The following LRIG1 variants were observed in gnomAD, a reference collection of about 807,000 sequenced individuals.
The protein encoded by LRIG1 is leucine-rich repeats and immunoglobulin-like domains protein 1.
A neutral mutation model predicts 99.2 loss-of-function variants in LRIG1; 48 were observed. The ratio of observed to expected loss-of-function variants is 0.48; its 90% CI spans 0.38 to 0.62. The LOEUF (loss-of-function observed/expected upper bound fraction) is 0.62, where lower values mean the gene tolerates loss of function less well. Ranked by LOEUF, LRIG1 falls within the 20% of genes least tolerant of loss-of-function variation. The pLI, the probability that LRIG1 is intolerant of heterozygous loss-of-function variation, is 0.00. For synonymous variants in LRIG1, 772 were observed against 596.1 expected (o/e 1.29, Z -4.30); for missense variants, 1,646 against 1,434.4 (o/e 1.15, Z -2.38).
chr3:66,390,545 A>C (rs7611067), intron 12 of LRIG1, among the ~76,000 whole-genome samples: 32,696 of 152,136 alleles, frequency 0.21, 4,347 homozygotes, highest in East Asian at 0.7. Context: ...TACTTCTCAC[A>C]TTAGTCTATA....
intron 1 of LRIG1, among the ~76,000 whole-genome samples, chr3:66,496,960 A>C (rs913804800): frequency 3.3e-5 from 5 of 152,254 alleles, no homozygotes; most frequent in African/African-American, 1.2e-4. Context: ...TTCTAAGGTA[A>C]TCATAAGTAC....
At chr3:66,452,754 A>G (rs1703948937) in intron 2 of LRIG1, among the ~76,000 whole-genome samples, 1 of 152,168 alleles carries the variant, frequency 6.6e-6, no homozygotes, top group Non-Finnish European at 1.5e-5. Flanking sequence ...GAGAAGGAAA[A>G]AAAAAAGGAA....
At chr3:66,396,449 G>A (rs1182632510) in intron 11 of LRIG1, among the ~76,000 whole-genome samples, 1 of 152,228 alleles carries the variant, frequency 6.6e-6, no homozygotes, top group Non-Finnish European at 1.5e-5. Context: ...TTACCCAGAG[G>A]ATGACTAAGT....
rs779175455 is a variant in LRIG1 at position 66,383,126 on chromosome 3, C to T, written c.2347G>A (p.Ala783Thr). 53 of 1,614,118 alleles carry T rather than the reference C, an allele frequency of 3.3e-5. No individual in the cohort carries two copies. In the South Asian group the frequency reaches 3.5e-4, roughly 11 times the overall value. ...GTCCCATCCTTCCTGCAGCCTGCTG[C>T]GGGCAGGACGCTCAGCTGGCTGTGA... ...RAHSQLSVLP[A>T]AGCRKDGTTV... The change falls in exon 15 of 19, where the codon GCA becomes ACA. Residue 783 changes from alanine (A) to threonine (T), a missense_variant. Coordinates refer to ENST00000273261, the MANE Select transcript of LRIG1 (RefSeq NM_015541.3).
chr3:66,483,928 C>A (rs1350676564), intron 1 of LRIG1, among the ~76,000 whole-genome samples: 1 of 152,228 alleles, frequency 6.6e-6, no homozygotes, highest in Non-Finnish European at 1.5e-5. Flanking sequence ...AGTTCACATG[C>A]ACTGCTTTAA....
chr3:66,441,450 G>C (rs1474472887), intron 3 of LRIG1, among the ~76,000 whole-genome samples: 5 of 152,156 alleles, frequency 3.3e-5, no homozygotes, highest in Non-Finnish European at 7.4e-5. Context: ...GGCATAATCA[G>C]CTCTGAATTG....
At chr3:66,466,941 A>G (rs993357334) in intron 1 of LRIG1, among the ~76,000 whole-genome samples, 1 of 152,238 alleles carries the variant, frequency 6.6e-6, no homozygotes, top group Non-Finnish European at 1.5e-5. Context: ...CCATTGTCAT[A>G]ACACAAATTT....
rs563321971 is a variant in LRIG1 at position 66,380,400 on chromosome 3, G to A, written c.3145C>T (p.Arg1049Cys). ...ACAAGCAAGTACTGGGCTTCCGCGC[G>A]CTCTGGACTGCCTGAAGTTAATGAA... is the stretch of plus-strand genomic sequence containing the variant. ...ASSLTSGSPE[R>C]AEAQYLLVSN... The change falls in exon 19 of 19, where the codon CGC (arginine) becomes TGC (cysteine). Residue 1049 changes from arginine to cysteine, a missense_variant. Coordinates refer to ENST00000273261, the MANE Select transcript of LRIG1 (RefSeq NM_015541.3). 2.2e-5 allele frequency: 35 copies of A among 1,614,126 alleles called. No homozygotes were observed. The highest frequency in any genetic ancestry group is 1.6e-4 in the Middle Eastern group (1 of 6,062).
At chr3:66,487,367 T>G (rs771593240) in intron 1 of LRIG1, among the ~76,000 whole-genome samples, 3 of 152,138 alleles carry the variant, frequency 2.0e-5, no homozygotes, top group Non-Finnish European at 4.4e-5. Flanking sequence ...AACACTCCTA[T>G]GAAGTCCTCC....
At chr3:66,381,400 C>T in intron 17 of LRIG1, 79 bp downstream of exon 17, 2 of 1,416,628 alleles carry the variant, frequency 1.4e-6, no homozygotes, top group Admixed American at 3.6e-5. Context: ...GAATGTGTCT[C>T]CCCCTTTGAT....
At chr3:66,398,865 A>G in intron 10 of LRIG1, 105 bp downstream of exon 10, 1 of 903,428 alleles carries the variant, frequency 1.1e-6, no homozygotes, top group Non-Finnish European at 1.8e-6. Flanking sequence ...GTTTCCAAAT[A>G]GCCTGTTTCT....
chr3:66,456,630 A>G (rs1333061427), intron 2 of LRIG1, among the ~76,000 whole-genome samples: 5 of 151,422 alleles, frequency 3.3e-5, no homozygotes, highest in Non-Finnish European at 5.9e-5. Flanking sequence ...GTACCCCAAA[A>G]CGACAACCCT....
chr3:66,388,194 A>C (rs1399134484), intron 12 of LRIG1: 1 of 151,828 alleles, frequency 6.6e-6, no homozygotes. Flanking sequence ...ACCAAGTAGA[A>C]ATTTTGAAAC....
intron 3 of LRIG1, among the ~76,000 whole-genome samples, chr3:66,440,006 G>A (rs1210469518): frequency 6.7e-6 from 1 of 149,328 alleles, no homozygotes; most frequent in African/African-American, 2.6e-5. Flanking sequence ...CCTCCACCTG[G>A]TGAGAAAGAA....
intron 3 of LRIG1, among the ~76,000 whole-genome samples, chr3:66,438,706 C>G (rs911896369): frequency 1.5e-4 from 23 of 152,204 alleles, no homozygotes; most frequent in African/African-American, 5.1e-4. Context: ...AGGGCTTCCC[C>G]TGCAGCAGAG....
At chr3:66,484,511 C>T (rs1043218155) in intron 1 of LRIG1, among the ~76,000 whole-genome samples, 2 of 152,054 alleles carry the variant, frequency 1.3e-5, no homozygotes, top group African/African-American at 4.8e-5. Flanking sequence ...TGGGGAGAAA[C>T]GTTTAAGACA....
At chr3:66,394,305 G>A in intron 11 of LRIG1, 102 bp from the exon 12 acceptor site, 1 of 984,616 alleles carries the variant, frequency 1.0e-6, no homozygotes, top group Non-Finnish European at 1.5e-6. Context: ...CTTCTCAAGT[G>A]AACATCAGCA....
At chr3:66,435,675 C>T (rs1703331006) in intron 3 of LRIG1, among the ~76,000 whole-genome samples, 1 of 152,138 alleles carries the variant, frequency 6.6e-6, no homozygotes, top group Admixed American at 6.5e-5. Flanking sequence ...AAATATTCTG[C>T]ATTCTGACTG....
intron 5 of LRIG1, among the ~76,000 whole-genome samples, chr3:66,414,315 T>A (rs1302523999): frequency 6.6e-6 from 1 of 151,942 alleles, no homozygotes; most frequent in Non-Finnish European, 1.5e-5. Flanking sequence ...GAGAATGGTG[T>A]GAACCCCGGG....
Sources: gnomAD v4.1 joint callset for allele counts (sites outside exome capture counted in the v4.1 genomes callset) on GRCh38, gnomAD v4.1.1 for gene constraint, MANE v1.5 for transcripts, NCBI Gene and HGNC (gene_info 2026-07-23, HGNC 2026-07-21) for gene names.